PRKG1: variants seen among roughly 807,000 people sequenced by gnomAD.
PRKG1 encodes the protein cGMP-dependent protein kinase 1.
Under a neutral mutation model 88.1 loss-of-function variants are expected in PRKG1, and 35 were observed. The ratio of observed to expected loss-of-function variants is 0.40; its 90% confidence interval spans 0.30 to 0.53. The LOEUF is 0.53. Ranked by LOEUF, PRKG1 falls within the 20% of genes least tolerant of loss-of-function variation. The pLI, the probability that PRKG1 is intolerant of heterozygous loss-of-function variation, is 0.59. For synonymous variants in PRKG1, 303 were observed against 292.5 expected (o/e 1.04, Z -0.37); for missense variants, 540 against 839.8 (o/e 0.64, Z 4.41).
chr10:51,999,667 C>CAT (rs1164119592), intron 5 of PRKG1, among the ~76,000 whole-genome samples: 1 of 151,970 alleles, frequency 6.6e-6, no homozygotes, highest in East Asian at 1.9e-4. Context: ...GAATACTTTG[C>CAT]ATATACTTTA....
intron 4 of PRKG1, among the ~76,000 whole-genome samples, chr10:51,840,188 G>A (rs1840235292): frequency 6.6e-6 from 1 of 152,138 alleles, no homozygotes; most frequent in Admixed American, 6.5e-5. Context: ...TAAATGAGAA[G>A]CCTGCACACT....
chr10:51,465,310 C>T (rs1418313766), intron 2 of PRKG1, among the ~76,000 whole-genome samples: 2 of 152,096 alleles, frequency 1.3e-5, no homozygotes, highest in African/African-American at 2.4e-5. Context: ...TGGTTTTACT[C>T]GCATGGCCCA....
At chr10:51,743,031 A>C (rs1294149416) in intron 3 of PRKG1, among the ~76,000 whole-genome samples, 1 of 152,082 alleles carries the variant, frequency 6.6e-6, no homozygotes, top group East Asian at 1.9e-4. Flanking sequence ...CATGTATCCC[A>C]GAACTTAAAG....
chr10:52,185,532 G>A lies in PRKG1; in HGVS notation c.1076+23569G>A, dbSNP rs573844670. Among the ~76,000 whole-genome samples the A allele has an allele frequency of 9.2e-5, 14 of 152,270 alleles. No homozygotes were observed. The South Asian group carries it at 1.2e-3, about 14-fold the overall frequency. On this transcript the variant is annotated intron_variant, in intron 9 of 17. Transcript: ENST00000373980. ...GGCTGTACCCTTCTGGGATATGGAGGGTGGAAGTCCCCTTCCTATAGCTCC... is the reference window on the plus strand; with the variant it reads ...GGCTGTACCCTTCTGGGATATGGAGAGTGGAAGTCCCCTTCCTATAGCTCC...
At chr10:51,534,539 G>T (rs1342634828) in intron 3 of PRKG1, among the ~76,000 whole-genome samples, 1 of 104,896 alleles carries the variant, frequency 9.5e-6, no homozygotes, top group African/African-American at 3.3e-5. Context: ...GAGGTGGCGG[G>T]CTCCTGTAGT....
chr10:52,285,928 C>T (rs1842107466), intron 14 of PRKG1, among the ~76,000 whole-genome samples: 1 of 151,808 alleles, frequency 6.6e-6, no homozygotes, highest in African/African-American at 2.4e-5. Context: ...GATATGATTT[C>T]AGAAAGAGAA....
intron 1 of PRKG1, among the ~76,000 whole-genome samples, chr10:51,135,344 A>C (rs1845662199): frequency 6.6e-6 from 1 of 152,204 alleles, no homozygotes; most frequent in African/African-American, 2.4e-5. Flanking sequence ...ATAAATTAAA[A>C]GAGAACTAGT....
intron 2 of PRKG1, among the ~76,000 whole-genome samples, chr10:51,290,250 CA>C (rs1277034904): frequency 4.0e-5 from 6 of 149,270 alleles, no homozygotes; most frequent in East Asian, 2.0e-4. Context: ...AAAAAACAAA[CA>C]AAAAAAAAGA....
intron 4 of PRKG1, among the ~76,000 whole-genome samples, chr10:51,815,266 G>T (rs1421598899): frequency 2.0e-5 from 3 of 152,186 alleles, no homozygotes; most frequent in Non-Finnish European, 4.4e-5. Flanking sequence ...GTATCATCCA[G>T]ATTGAGCCTA....
chr10:51,221,934 G>T (rs939717545), intron 2 of PRKG1, among the ~76,000 whole-genome samples: 2 of 146,848 alleles, frequency 1.4e-5, no homozygotes, highest in Non-Finnish European at 3.0e-5. Context: ...GAGTACAATG[G>T]CACCATCTTG....
chr10:51,728,605 G>T (rs1245665914), intron 3 of PRKG1, among the ~76,000 whole-genome samples: 1 of 151,666 alleles, frequency 6.6e-6, no homozygotes, highest in Non-Finnish European at 1.5e-5. Context: ...TATTAAATGA[G>T]AGTTATTTTA....
intron 1 of PRKG1, among the ~76,000 whole-genome samples, chr10:51,019,376 C>G (rs1843105273): frequency 6.6e-6 from 1 of 151,960 alleles, no homozygotes; most frequent in Non-Finnish European, 1.5e-5. Context: ...ACAAGGCTAC[C>G]AAGACCATTC....
At chr10:51,005,823 G>A (rs1842935283) in intron 1 of PRKG1, among the ~76,000 whole-genome samples, 1 of 152,178 alleles carries the variant, frequency 6.6e-6, no homozygotes, top group Non-Finnish European at 1.5e-5. Flanking sequence ...TGACAGTTGT[G>A]CATATTTTTC....
chr10:51,638,956 A>G (rs1198646055), intron 3 of PRKG1, among the ~76,000 whole-genome samples: 2 of 152,236 alleles, frequency 1.3e-5, no homozygotes, highest in South Asian at 4.1e-4. Context: ...TAAGTTCTAC[A>G]TAAGAACAGC....
At chr10:51,583,687 T>C (rs10998351) in intron 3 of PRKG1, among the ~76,000 whole-genome samples, 10,524 of 152,150 alleles carry the variant, frequency 0.069, 1,200 homozygotes, top group African/African-American at 0.24. Context: ...GTCAGGATAA[T>C]TTTGAAATAA....
intron 3 of PRKG1, among the ~76,000 whole-genome samples, chr10:51,571,467 T>C (rs1223292147): frequency 6.6e-6 from 1 of 151,854 alleles, no homozygotes; most frequent in African/African-American, 2.4e-5. Context: ...CTAAATGTTA[T>C]ATAAACATAA....
chr10:51,832,727 TAGAC>T (rs1840033038), intron 4 of PRKG1, among the ~76,000 whole-genome samples: 1 of 152,158 alleles, frequency 6.6e-6, no homozygotes, highest in African/African-American at 2.4e-5. Context: ...GATTGAATCT[TAGAC>T]AGCAATTTGC....
chr10:51,593,841 C>T (rs2132213036), intron 3 of PRKG1, among the ~76,000 whole-genome samples: 1 of 152,122 alleles, frequency 6.6e-6, no homozygotes, highest in East Asian at 1.9e-4. Context: ...TCTCCTGCCT[C>T]ATCCTCCAGA....
At chr10:51,333,641 T>C (rs1415906064) in intron 2 of PRKG1, among the ~76,000 whole-genome samples, 1 of 152,220 alleles carries the variant, frequency 6.6e-6, no homozygotes, top group Non-Finnish European at 1.5e-5. Context: ...ATAAAATTAT[T>C]TCAAATATTT....
Sources: gnomAD v4.1 joint callset for allele counts (sites outside exome capture counted in the v4.1 genomes callset) on GRCh38, gnomAD v4.1.1 for gene constraint, MANE v1.5 for transcripts, NCBI Gene and HGNC (gene_info 2026-07-23, HGNC 2026-07-21) for gene names.